TYRP1: variants seen among roughly 807,000 people sequenced by gnomAD.
TYRP1 encodes tyrosinase related protein 1, also known as 5,6-dihydroxyindole-2-carboxylic acid oxidase.
Under a neutral mutation model 42.8 loss-of-function variants are expected in TYRP1, and 49 were observed. That is an observed-to-expected ratio of 1.14 (90% CI 0.91 to 1.45). TYRP1 has a LOEUF of 1.45. TYRP1 is among the 40% of genes most tolerant of loss of function. The probability of loss-of-function intolerance (pLI) is 0.00; values close to 1 mark genes in which losing one functional copy is unlikely to be tolerated. For missense variants in TYRP1, 848 were observed against 662.0 expected (o/e 1.28, Z -3.08); for synonymous variants, 279 against 235.4 (o/e 1.19, Z -1.69).
Position 12,695,430 on chromosome 9 carries a change from T to C in TYRP1, c.386-85T>C, listed in dbSNP as rs186480520. On this transcript the variant is annotated intron_variant, in intron 2 of 7. Coordinates refer to ENST00000388918, the MANE Select transcript of TYRP1 (RefSeq NM_000550.3). ...TTTGAACAGATGGATAAATGGGTCG[T>C]GGTGTGTTACAAGATGATTATGCTC... The C allele has an allele frequency of 3.3e-6, 4 of 1,209,492 alleles. No homozygotes were observed. In the East Asian group the frequency reaches 9.4e-5, roughly 29 times the overall value. The allele number at this position is 1,209,492 out of a possible 1,614,324, so 74.9% of individuals were successfully genotyped here.
In TYRP1 at chr9:12,702,353, T is replaced by C. The variant is rs141098505; in HGVS notation, c.996T>C (p.Asp332=). ...TGCAACGTCTTCCTGAACCACAGGA[T>C]GTCGCTCAGTGCTTGGAAGTTGGTT... ...PMVQRLPEPQ[D]VAQCLEVGLF... is the part of the protein sequence containing the mutation. The change falls in exon 5 of 8, where the codon GAT becomes GAC. Residue 332 remains aspartate (D), a synonymous_variant. Transcript: ENST00000388918. 5.0e-6 allele frequency: 8 copies of C among 1,613,046 alleles called. No individual in the cohort carries two copies. Among genetic ancestry groups the C allele is most frequent in the African/African-American group, 4.0e-5 (3 of 74,862 alleles).
At position 12,694,379 on chromosome 9, in the gene TYRP1, T is replaced by C. The variant is rs867404739; in HGVS notation, c.383T>C (p.Ile128Thr). 1.9e-6 allele frequency: 3 copies of C among 1,613,780 alleles called. No homozygotes were observed. The highest frequency in any genetic ancestry group is 3.3e-4 in the Middle Eastern group (2 of 6,082). The change falls in exon 2 of 8, where the codon ATA becomes ACA. Residue 128 changes from isoleucine to threonine, a missense_variant and splice_region_variant. Physicochemically the swap from Ile to Thr is moderately conservative, Grantham distance 89 (BLOSUM62 -1). Coordinates refer to ENST00000388918, the MANE Select transcript of TYRP1 (RefSeq NM_000550.3). ...RGAACDQRVLIVRRNLLDLSK... is the reference protein window; with the variant it reads ...RGAACDQRVLTVRRNLLDLSK... ...GCTGCCTGTGACCAGAGGGTTCTCA[T>C]AGGTAAGTGGAGATATGAATGAGTT...
At position 12,694,135 on chromosome 9, in the gene TYRP1, C is replaced by G. The variant is rs759231020; in HGVS notation, c.139C>G (p.Pro47Ala). Reference sequence around the variant, plus strand: ...TGGTATGTGTTGCCCAGACCTGTCCCCTGTGTCTGGGCCTGGGACAGACCG... The same window carrying G: ...TGGTATGTGTTGCCCAGACCTGTCCGCTGTGTCTGGGCCTGGGACAGACCG... ...RSGMCCPDLS[P>A]VSGPGTDRCG... The change falls in exon 2 of 8, where the codon CCT (proline) becomes GCT (alanine). Residue 47 changes from proline (P) to alanine (A), a missense_variant. Transcript: ENST00000388918. 1 of 1,613,916 alleles carries G rather than the reference C, an allele frequency of 6.2e-7. No homozygotes were observed. Among genetic ancestry groups the G allele is most frequent in the African/African-American group, 1.3e-5 (1 of 74,896 alleles).
chr9:12,707,907 C>G, intron 6 of TYRP1, 90 bp from the exon 7 acceptor site: 1 of 1,309,164 alleles, frequency 7.6e-7, no homozygotes, highest in East Asian at 2.5e-5. Flanking sequence ...TTCAGGTTCT[C>G]CTTGAATATT....
chr9:12,704,691 G>A lies in TYRP1; in HGVS notation c.1247G>A (p.Arg416Lys), dbSNP rs780262962. 1.7e-5 allele frequency: 27 copies of A among 1,612,804 alleles called. No homozygotes were observed. Among genetic ancestry groups the A allele is most frequent in the Non-Finnish European group, 2.2e-5 (26 of 1,179,332 alleles). The change falls in exon 6 of 8, where the codon AGG becomes AAG. Residue 416 changes from arginine (R) to lysine (K), a missense_variant. Transcript: ENST00000388918. ...FTDAVFDEWLRRYNADISTFP... is the reference protein window; with the variant it reads ...FTDAVFDEWLKRYNADISTFP... ...GATGCAGTCTTTGATGAATGGCTGA[G>A]GAGATACAATGCTGGTAAGACATTT...
chr9:12,709,752 C>CTAT lies in TYRP1; in HGVS notation c.*572_*574dup, dbSNP rs1404599327. On this transcript the variant is annotated 3_prime_UTR_variant, in exon 8 of 8. Coordinates refer to ENST00000388918, the MANE Select transcript of TYRP1 (RefSeq NM_000550.3). ...AAATATATTATTTAGTCAACATATA[C>CTAT]TATTTAGTCTCAGGTTCAAGGCTAC... The CTAT allele has an allele frequency of 1.3e-5, 2 of 154,486 alleles. No individual in the cohort carries two copies. The highest frequency in any genetic ancestry group is 2.9e-5 in the Non-Finnish European group (2 of 69,556). 9.6% of individuals were successfully genotyped at this position (154,486 alleles called of 1,614,324 possible).
intron 4 of TYRP1, among the ~76,000 whole-genome samples, chr9:12,701,368 GA>G (rs1818165358): frequency 6.6e-6 from 1 of 151,538 alleles, no homozygotes; most frequent in Non-Finnish European, 1.5e-5. Context: ...TCCATATAAT[GA>G]CAGGCACCAA....
At chr9:12,696,659 G>T (rs895233643) in intron 3 of TYRP1, among the ~76,000 whole-genome samples, 5 of 152,048 alleles carry the variant, frequency 3.3e-5, no homozygotes, top group Non-Finnish European at 7.4e-5. Flanking sequence ...AAGCAGATAA[G>T]CTTCAAACAT....
chr9:12,700,150 T>C (rs1342202050), intron 4 of TYRP1: 3 of 152,140 alleles, frequency 2.0e-5, no homozygotes, highest in Non-Finnish European at 4.4e-5. Context: ...TCTGATATAG[T>C]ATGAAATGCA....
chr9:12,702,850 C>T (rs1818195092), intron 5 of TYRP1, among the ~76,000 whole-genome samples: 1 of 151,820 alleles, frequency 6.6e-6, no homozygotes, highest in Non-Finnish European at 1.5e-5. Flanking sequence ...TTAGTTGACA[C>T]TGAGTAAAGC....
At chr9:12,707,456 C>G (rs113316806) in intron 6 of TYRP1, among the ~76,000 whole-genome samples, 13 of 151,950 alleles carry the variant, frequency 8.6e-5, no homozygotes, top group African/African-American at 3.1e-4. Context: ...GTGGAAGTCT[C>G]TATAGACAAA....
chr9:12,708,965 C>G lies in TYRP1; in HGVS notation c.1409-12C>G. 1.2e-6 allele frequency: 2 copies of G among 1,609,540 alleles called. No individual in the cohort carries two copies. Among genetic ancestry groups the G allele is most frequent in the Non-Finnish European group, 1.7e-6 (2 of 1,176,764 alleles). On this transcript the variant is annotated splice_polypyrimidine_tract_variant and intron_variant, in intron 7 of 7. Transcript: ENST00000388918. ...TATTTGTCTTTTTATTTTTATCTTCCTTTCCAAATAGGTCGGGAGTTTAGT... is the reference window on the plus strand; with the variant it reads ...TATTTGTCTTTTTATTTTTATCTTCGTTTCCAAATAGGTCGGGAGTTTAGT...
chr9:12,697,628 A>AAAT (rs1179095412), intron 3 of TYRP1, among the ~76,000 whole-genome samples: 1 of 152,148 alleles, frequency 6.6e-6, no homozygotes, highest in African/African-American at 2.4e-5. Context: ...CCCATACCAT[A>AAAT]AATAGAACTT....
chr9:12,702,508 T>A (rs2118249557), intron 5 of TYRP1, 70 bp downstream of exon 5: 2 of 1,501,116 alleles, frequency 1.3e-6, no homozygotes, highest in East Asian at 2.4e-5. Flanking sequence ...CAAAAGCAAG[T>A]TTCTTTGAGA....
At chr9:12,708,924 G>GTGA (rs1254900647) in intron 7 of TYRP1, 53 bp from the exon 8 acceptor site, 4 of 1,483,954 alleles carry the variant, frequency 2.7e-6, no homozygotes, top group African/African-American at 1.4e-5. Flanking sequence ...CCACTTTTTG[G>GTGA]TGATAACTAT....
At position 12,698,321 on chromosome 9, in the gene TYRP1, G is replaced by A. The variant is rs16929364; in HGVS notation, c.709-130G>A. ...AACTCCTCTGGGCCCCTCAGACACCGTTGATATACTAACCAGTACCTTATT... is the reference window on the plus strand; with the variant it reads ...AACTCCTCTGGGCCCCTCAGACACCATTGATATACTAACCAGTACCTTATT... On this transcript the variant is annotated intron_variant, in intron 3 of 7. Transcript: ENST00000388918. The A allele has an allele frequency of 2.2e-3, 1,962 of 900,284 alleles. 27 individuals are homozygous for A. In the African/African-American group the frequency reaches 0.028, roughly 13 times the overall value. The allele number at this position is 900,284 out of a possible 1,614,324, so 55.8% of individuals were successfully genotyped here.
chr9:12,695,450 A>T (rs2118222376), intron 2 of TYRP1, 65 bp from the exon 3 acceptor site: 1 of 1,443,072 alleles, frequency 6.9e-7, no homozygotes, highest in East Asian at 2.3e-5. Context: ...CAAGATGATT[A>T]TGCTCTTTCT....
In TYRP1 at chr9:12,709,029, G is replaced by T. The variant is rs200882524; in HGVS notation, c.1461G>T (p.Leu487Phe). 1.9e-6 allele frequency: 3 copies of T among 1,612,686 alleles called. No individual in the cohort carries two copies. Among genetic ancestry groups the T allele is most frequent in the Non-Finnish European group, 1.7e-6 (2 of 1,179,210 alleles). Residue 487 changes from leucine (L) to phenylalanine (F), a missense_variant, in exon 8 of 8, where the codon TTG (leucine) becomes TTT (phenylalanine). Transcript: ENST00000388918. ...TTGCCATAGCAGTAGTTGGCGCTTT[G>T]TTACTGGTTGCACTCATTTTTGGGA... ...EIIAIAVVGA[L>F]LLVALIFGTA...
intron 5 of TYRP1, 83 bp downstream of exon 5, chr9:12,702,521 G>T (rs1321253891): frequency 3.0e-6 from 4 of 1,336,178 alleles, no homozygotes; most frequent in Non-Finnish European, 4.2e-6. Context: ...CTTTGAGAAG[G>T]CTTTGAATAG....
Sources: allele counts gnomAD v4.1 joint callset (sites outside exome capture counted in the v4.1 genomes callset), GRCh38; gene constraint gnomAD v4.1.1; transcripts MANE v1.5; gene names NCBI Gene and HGNC (gene_info 2026-07-23, HGNC 2026-07-21).